The following HSBP1 variants were observed in gnomAD, a reference collection of about 807,000 sequenced individuals.
The protein encoded by HSBP1 is heat shock factor-binding protein 1.
HSBP1 carries 5 observed loss-of-function variants against 9.6 expected under a neutral mutation model. The observed-to-expected ratio is 0.52, with a 90% confidence interval of 0.27 to 1.09. The LOEUF is 1.09. Ranked by LOEUF, HSBP1 falls within the 50% of genes least tolerant of loss-of-function variation. The pLI, the probability that HSBP1 is intolerant of heterozygous loss-of-function variation, is 0.11. For synonymous variants in HSBP1, 42 were observed against 33.3 expected (o/e 1.26, Z -0.90); for missense variants, 121 against 96.3 (o/e 1.26, Z -1.07).
At position 83,813,878 on chromosome 16, in the gene HSBP1, T is replaced by A. The variant is rs1398980341; in HGVS notation, c.*2460T>A. On this transcript the variant is annotated 3_prime_UTR_variant, in exon 4 of 4. Coordinates refer to ENST00000433866, the MANE Select transcript of HSBP1 (RefSeq NM_001537.4). ...TATTTCAATCTTATTTTCATATCAA[T>A]TTTTTCTTTGTTTCACTACAAGTAC... 1 of 142,882 alleles carries A rather than the reference T, an allele frequency of 7.0e-6. No individual in the cohort carries two copies. The highest frequency in any genetic ancestry group is 1.6e-5 in the Non-Finnish European group (1 of 62,050). 8.9% of individuals were successfully genotyped at this position (142,882 alleles called of 1,614,324 possible).
At position 83,813,894 on chromosome 16, in the gene HSBP1, C is replaced by G. The variant is rs966490030; in HGVS notation, c.*2476C>G. 6.6e-6 allele frequency: 1 copy of G among 152,136 alleles called. No homozygotes were observed. The highest frequency in any genetic ancestry group is 1.5e-5 in the Non-Finnish European group (1 of 68,026). The allele number at this position is 152,136 out of a possible 1,614,324, so 9.4% of individuals were successfully genotyped here. On this transcript the variant is annotated 3_prime_UTR_variant, in exon 4 of 4. Coordinates refer to ENST00000433866, the MANE Select transcript of HSBP1 (RefSeq NM_001537.4). Reference sequence around the variant, plus strand: ...TCATATCAATTTTTTCTTTGTTTCACTACAAGTACAGTCATTGTTTAACCC... The same window carrying G: ...TCATATCAATTTTTTCTTTGTTTCAGTACAAGTACAGTCATTGTTTAACCC...
chr16:83,811,004 AT>A (rs796672744), intron 3 of HSBP1, among the ~76,000 whole-genome samples: 10 of 152,364 alleles, frequency 6.6e-5, no homozygotes, highest in African/African-American at 2.2e-4. Context: ...GGTGGGGTTC[AT>A]TCACTGTGTG....
rs2151031621 is a variant in HSBP1, at chr16:83,813,976, C to T, written c.*2558C>T. 6.6e-6 allele frequency: 1 copy of T among 152,242 alleles called. No individual in the cohort carries two copies. The highest frequency in any genetic ancestry group is 2.1e-4 in the South Asian group (1 of 4,814). 9.4% of individuals were successfully genotyped at this position (152,242 alleles called of 1,614,324 possible). A position where few individuals can be genotyped will look rare whatever the true frequency, so the allele number is the denominator to read the frequency against. On this transcript the variant is annotated 3_prime_UTR_variant, in exon 4 of 4. Coordinates refer to ENST00000433866, the MANE Select transcript of HSBP1 (RefSeq NM_001537.4). ...AAGAGTTAATTTGCCCTTGTGAGTC[C>T]TTGGAATTTAAGCCCCACACACACA...
chr16:83,817,467 C>G lies in HSBP1; in HGVS notation c.*6049C>G, dbSNP rs1200453324. On this transcript the variant is annotated 3_prime_UTR_variant, in exon 4 of 4. Coordinates refer to ENST00000433866, the MANE Select transcript of HSBP1 (RefSeq NM_001537.4). ...CAGGTATGGCGCTAGCTGCTTTCAC[C>G]TGTATCATCTCATTCACTGCTCAGA... The G allele has an allele frequency of 1.3e-5, 2 of 152,230 alleles. No individual in the cohort carries two copies. The highest frequency in any genetic ancestry group is 1.3e-4 in the Admixed American group (2 of 15,284). 9.4% of individuals were successfully genotyped at this position (152,230 alleles called of 1,614,324 possible).
chr16:83,808,657 T>C (rs1212240414), intron 1 of HSBP1, 23 bp from the exon 2 acceptor site: 11 of 1,594,372 alleles, frequency 6.9e-6, no homozygotes, highest in Non-Finnish European at 9.4e-6. Context: ...TGGACCGTGT[T>C]TGTTTGTTTC....
chr16:83,816,938 T>A lies in HSBP1; in HGVS notation c.*5520T>A, dbSNP rs1302909248. The A allele has an allele frequency of 6.6e-6, 1 of 152,210 alleles. No homozygotes were observed. Among genetic ancestry groups the A allele is most frequent in the Non-Finnish European group, 1.5e-5 (1 of 68,040 alleles). The allele number at this position is 152,210 out of a possible 1,614,324, so 9.4% of individuals were successfully genotyped here. A position where few individuals can be genotyped will look rare whatever the true frequency, so the allele number is the denominator to read the frequency against. On this transcript the variant is annotated 3_prime_UTR_variant, in exon 4 of 4. Coordinates refer to ENST00000433866, the MANE Select transcript of HSBP1 (RefSeq NM_001537.4). ...CCTACAGTGTTTGCTACAGACCTTC[T>A]AGATGTAACTTCTAGATTATAAACA...
Position 83,818,090 on chromosome 16 carries a change from A to G in HSBP1, c.*6672A>G, listed in dbSNP as rs969834519. 2 of 152,168 alleles carry G rather than the reference A, an allele frequency of 1.3e-5. No homozygotes were observed. The highest frequency in any genetic ancestry group is 2.9e-5 in the Non-Finnish European group (2 of 68,022). The allele number at this position is 152,168 out of a possible 1,614,324, so 9.4% of individuals were successfully genotyped here. ...TACGCAGTCTTGCTTGTAGAATTTT[A>G]GAGGTTCATGGTTACCGTGGGTCGG... On this transcript the variant is annotated 3_prime_UTR_variant, in exon 4 of 4. Coordinates refer to ENST00000433866, the MANE Select transcript of HSBP1 (RefSeq NM_001537.4).
rs1057493025 is a variant in HSBP1 at position 83,816,387 on chromosome 16, G to C, written c.*4969G>C. 6.6e-6 allele frequency: 1 copy of C among 152,038 alleles called. No homozygotes were observed. The highest frequency in any genetic ancestry group is 2.4e-5 in the African/African-American group (1 of 41,380). The allele number at this position is 152,038 out of a possible 1,614,324, so 9.4% of individuals were successfully genotyped here. ...TGCACTCCAGCCTGGGTAACAGAGC[G>C]AGACTCCATCTCAAAAAATAAAAAA... On this transcript the variant is annotated 3_prime_UTR_variant, in exon 4 of 4. Coordinates refer to ENST00000433866, the MANE Select transcript of HSBP1 (RefSeq NM_001537.4).
Position 83,816,972 on chromosome 16 carries a change from A to C in HSBP1, c.*5554A>C, listed in dbSNP as rs967661708. The C allele has an allele frequency of 6.6e-5, 10 of 152,190 alleles. No individual in the cohort carries two copies. Among genetic ancestry groups the C allele is most frequent in the African/African-American group, 2.4e-4 (10 of 41,446 alleles). 9.4% of individuals were successfully genotyped at this position (152,190 alleles called of 1,614,324 possible). The stretch of plus-strand genomic sequence containing the variant: ...CTTCTAGATTATAAACACTGGTAAC[A>C]CTGGAGATGGTTAAATCGGAATTAG... On this transcript the variant is annotated 3_prime_UTR_variant, in exon 4 of 4. Transcript: ENST00000433866.
In HSBP1 at chr16:83,813,117, G is replaced by C. The variant is rs1904638812; in HGVS notation, c.*1699G>C. 2.0e-5 allele frequency: 3 copies of C among 152,324 alleles called. No individual in the cohort carries two copies. Among genetic ancestry groups the C allele is most frequent in the African/African-American group, 7.2e-5 (3 of 41,448 alleles). 9.4% of individuals were successfully genotyped at this position (152,324 alleles called of 1,614,324 possible). ...AGTAGCCCAAGGCAAAGCAGGAGAG[G>C]GGGTGTTGGGGGAGGTTGCCTGCTG... On this transcript the variant is annotated 3_prime_UTR_variant, in exon 4 of 4. Coordinates refer to ENST00000433866, the MANE Select transcript of HSBP1 (RefSeq NM_001537.4).
At position 83,808,689 on chromosome 16, in the gene HSBP1, C is replaced by T; in HGVS notation, c.55C>T (p.Leu19Phe). The T allele has an allele frequency of 6.2e-7, 1 of 1,612,268 alleles. No homozygotes were observed. Among genetic ancestry groups the T allele is most frequent in the Non-Finnish European group, 8.5e-7 (1 of 1,178,582 alleles). ...TTTCGGTTTTTCTTAGGTGCAGACA[C>T]TCCTGCAGCAGATGCAAGATAAATT... The part of the protein sequence containing the change: ...VQDLTSVVQT[L>F]LQQMQDKFQT... The change falls in exon 2 of 4, where the codon CTC becomes TTC. Residue 19 changes from leucine to phenylalanine, a missense_variant. Leu to Phe is a conservative substitution (Grantham distance 22). Coordinates refer to ENST00000433866, the MANE Select transcript of HSBP1 (RefSeq NM_001537.4).
At chr16:83,808,873 T>A (rs1904528213) in intron 2 of HSBP1, 127 bp downstream of exon 2, 2 of 713,772 alleles carry the variant, frequency 2.8e-6, no homozygotes, top group Non-Finnish European at 4.7e-6. Context: ...GAGCTTGGAT[T>A]GTACTGTGTT....
rs2151031985 is a variant in HSBP1, at chr16:83,815,437, A to G, written c.*4019A>G. On this transcript the variant is annotated 3_prime_UTR_variant, in exon 4 of 4. Transcript: ENST00000433866. ...TGAGGTGGGAGGATCATTTGAGCCC[A>G]GGAAGTCGAGGTTGCAGTGAGCTGT... is the stretch of plus-strand genomic sequence containing the variant. 1 of 151,610 alleles carries G rather than the reference A, an allele frequency of 6.6e-6. No individual in the cohort carries two copies. Among genetic ancestry groups the G allele is most frequent in the African/African-American group, 2.4e-5 (1 of 41,274 alleles). 9.4% of individuals were successfully genotyped at this position (151,610 alleles called of 1,614,324 possible).
rs1253731362 is a variant in HSBP1 at position 83,812,421 on chromosome 16, C to G, written c.*1003C>G. ...TTGATTATAGAAGACAGGGATAATACCTTTATCTCTGGCCACTCAAAAATG... is the reference window on the plus strand; with the variant it reads ...TTGATTATAGAAGACAGGGATAATAGCTTTATCTCTGGCCACTCAAAAATG... On this transcript the variant is annotated 3_prime_UTR_variant, in exon 4 of 4. Transcript: ENST00000433866. The G allele has an allele frequency of 6.6e-6, 1 of 152,166 alleles. No homozygotes were observed. Among genetic ancestry groups the G allele is most frequent in the Admixed American group, 6.5e-5 (1 of 15,282 alleles). 9.4% of individuals were successfully genotyped at this position (152,166 alleles called of 1,614,324 possible).
chr16:83,809,458 TTTTC>T (rs1185495820), intron 3 of HSBP1, 33 bp downstream of exon 3: 17 of 963,514 alleles, frequency 1.8e-5, no homozygotes, highest in Middle Eastern at 3.3e-4. Flanking sequence ...TTTTCTTTTC[TTTTC>T]TTTTTTTTTT....
At position 83,818,335 on chromosome 16, in the gene HSBP1, A is replaced by G. The variant is rs1037227259; in HGVS notation, c.*6917A>G. ...CCCCATGATGAAAAACAGACCCCAT[A>G]GAAACTCTCTGGCACAAAAACTCTG... On this transcript the variant is annotated 3_prime_UTR_variant, in exon 4 of 4. Coordinates refer to ENST00000433866, the MANE Select transcript of HSBP1 (RefSeq NM_001537.4). The G allele has an allele frequency of 2.6e-5, 4 of 152,204 alleles. No homozygotes were observed. Among genetic ancestry groups the G allele is most frequent in the Admixed American group, 2.0e-4 (3 of 15,282 alleles). 9.4% of individuals were successfully genotyped at this position (152,204 alleles called of 1,614,324 possible). A position where few individuals can be genotyped will look rare whatever the true frequency, so the allele number is the denominator to read the frequency against.
chr16:83,807,990 A>G lies in HSBP1; in HGVS notation c.-87A>G. ...CCCGCGAGCTGCCAGTCTCGTCGCG[A>G]GAAGCAGCGGCCCGGGGCGACTGAG... On this transcript the variant is annotated 5_prime_UTR_variant, in exon 1 of 4. Transcript: ENST00000433866. 7 of 1,235,522 alleles carry G rather than the reference A, an allele frequency of 5.7e-6. No individual in the cohort carries two copies. Among genetic ancestry groups the G allele is most frequent in the Non-Finnish European group, 7.8e-6 (7 of 897,458 alleles). The allele number at this position is 1,235,522 out of a possible 1,614,324, so 76.5% of individuals were successfully genotyped here. A position where few individuals can be genotyped will look rare whatever the true frequency, so the allele number is the denominator to read the frequency against.
At chr16:83,809,248 G>C in intron 2 of HSBP1, 57 bp from the exon 3 acceptor site, 1 of 1,096,290 alleles carries the variant, frequency 9.1e-7, no homozygotes, top group Non-Finnish European at 1.4e-6. Context: ...AGTCTGCAGG[G>C]ACGGGAGGAA....
chr16:83,810,100 CT>C (rs75686717), intron 3 of HSBP1, among the ~76,000 whole-genome samples: 502 of 140,488 alleles, frequency 3.6e-3, no homozygotes, highest in Middle Eastern at 7.1e-3. Flanking sequence ...TTTTCCATTG[CT>C]TTTTTTTTTT....
Sources: allele counts gnomAD v4.1 joint callset (sites outside exome capture counted in the v4.1 genomes callset), GRCh38; gene constraint gnomAD v4.1.1; transcripts MANE v1.5; gene names NCBI Gene and HGNC (gene_info 2026-07-23, HGNC 2026-07-21).